MDN1: variants seen among roughly 807,000 people sequenced by gnomAD.
MDN1 encodes midasin AAA ATPase 1.
MDN1 carries 266 observed loss-of-function variants against 669.2 expected under a neutral mutation model. The observed-to-expected ratio is 0.40, with a 90% CI of 0.36 to 0.44. MDN1 has a LOEUF of 0.44. Ranked by LOEUF, MDN1 falls within the 20% of genes least tolerant of loss-of-function variation. The pLI, the probability that MDN1 is intolerant of heterozygous loss-of-function variation, is 1.00. For synonymous variants in MDN1, 2,385 were observed against 2,457.1 expected, an observed-to-expected ratio of 0.97 and a Z score of 0.87; for missense variants, 5,940 against 6,754.0, an observed-to-expected ratio of 0.88 and a Z score of 4.22.
intron 1 of MDN1, chr6:89,814,947 C>T: frequency 2.0e-6 from 1 of 489,426 alleles, no homozygotes; most frequent in South Asian, 1.8e-5. Context: ...CAGCTAAGAG[C>T]ACCCTGGGTG....
intron 101 of MDN1, among the ~76,000 whole-genome samples, chr6:89,644,505 T>C (rs1230008288): frequency 1.3e-5 from 2 of 152,198 alleles, no homozygotes; most frequent in African/African-American, 4.8e-5. Context: ...AATCTTTACC[T>C]TCCTATCAAG....
intron 14 of MDN1, among the ~76,000 whole-genome samples, chr6:89,771,879 G>C (rs1818097527): frequency 6.6e-6 from 1 of 152,034 alleles, no homozygotes; most frequent in African/African-American, 2.4e-5. Context: ...GCTAATTTTT[G>C]TAATTTTTTG....
intron 2 of MDN1, 36 bp downstream of exon 2, chr6:89,803,292 T>A: frequency 6.3e-7 from 1 of 1,580,354 alleles, no homozygotes; most frequent in East Asian, 2.2e-5. Flanking sequence ...TTCTATCACC[T>A]CAAGGAGAAA....
chr6:89,778,680 C>A (rs757892515), intron 11 of MDN1, among the ~76,000 whole-genome samples: 2 of 151,324 alleles, frequency 1.3e-5, no homozygotes, highest in African/African-American at 2.4e-5. Flanking sequence ...GTCAGGAGAT[C>A]GAGATCATCC....
Position 89,676,210 on chromosome 6 carries a change from G to A in MDN1, c.12540-3C>T, listed in dbSNP as rs1226168530. The A allele has an allele frequency of 2.5e-6, 4 of 1,613,264 alleles. No individual in the cohort carries two copies. In the African/African-American group the frequency reaches 4.0e-5, roughly 16 times the overall value. On this transcript the variant is annotated splice_region_variant and splice_polypyrimidine_tract_variant and intron_variant, in intron 76 of 101. Coordinates refer to ENST00000369393, the MANE Select transcript of MDN1 (RefSeq NM_014611.3). ...AAGACGAGATTTCTGTAAGCAGCCT[G>A]GAAAAGATATCAACATTGTTTACTT...
intron 31 of MDN1, 44 bp downstream of exon 31, chr6:89,743,106 C>G: frequency 1.9e-6 from 3 of 1,598,808 alleles, no homozygotes; most frequent in Non-Finnish European, 2.6e-6. Flanking sequence ...AAAAATCACA[C>G]CAACAAAAAT....
chr6:89,725,147 T>A (rs1815133250), intron 38 of MDN1, 52 bp downstream of exon 38: 1 of 1,522,924 alleles, frequency 6.6e-7, no homozygotes, highest in South Asian at 1.1e-5. Flanking sequence ...ATAATAGTAG[T>A]CTTATCCCCT....
chr6:89,765,532 T>TC (rs1422484900), intron 15 of MDN1, among the ~76,000 whole-genome samples: 1 of 152,242 alleles, frequency 6.6e-6, no homozygotes, highest in Non-Finnish European at 1.5e-5. Context: ...CAAGCTGGTC[T>TC]CGAAGTCCTG....
In MDN1 at chr6:89,671,031, G is replaced by C; in HGVS notation, c.13844C>G (p.Ser4615Cys). The change falls in exon 83 of 102, where the codon TCC (serine) becomes TGC (cysteine). Residue 4615 changes from serine (S) to cysteine (C), a missense_variant. This residue lies in a region of MDN1 where 2,280 missense variants were observed against 2,576.3 expected (regional missense o/e 0.88). Coordinates refer to ENST00000369393, the MANE Select transcript of MDN1 (RefSeq NM_014611.3). The part of the protein sequence containing the change: ...SLLVRLVPVL[S>C]SYSDLVLFFL... Reference sequence around the variant, plus strand: ...GAAGAGGACGAGGTCTGAGTAGCTGGAGAGGACCGGCACCAGGCGCACCAG... The same window carrying C: ...GAAGAGGACGAGGTCTGAGTAGCTGCAGAGGACCGGCACCAGGCGCACCAG... 1 of 1,614,128 alleles carries C rather than the reference G, an allele frequency of 6.2e-7. No homozygotes were observed. Among genetic ancestry groups the C allele is most frequent in the Non-Finnish European group, 8.5e-7 (1 of 1,180,012 alleles).
At chr6:89,702,187 A>T in intron 53 of MDN1, 126 bp from the exon 54 acceptor site, 1 of 880,244 alleles carries the variant, frequency 1.1e-6, no homozygotes, top group Non-Finnish European at 1.6e-6. Flanking sequence ...CATAGGCTAT[A>T]ATTGCTAATC....
rs1562225908 is a variant in MDN1, at chr6:89,793,949, A to G, written c.668T>C (p.Leu223Ser). The G allele has an allele frequency of 1.9e-6, 3 of 1,611,718 alleles. No homozygotes were observed. The highest frequency in any genetic ancestry group is 2.2e-5 in the East Asian group (1 of 44,860). Residue 223 changes from leucine to serine, a missense_variant, in exon 5 of 102, where the codon TTA (leucine) becomes TCA (serine). Physicochemically the swap from Leu to Ser is moderately radical, Grantham distance 145. This residue lies in a region of MDN1 where 1,203 missense variants were observed against 1,268.9 expected (regional missense o/e 0.95). Transcript: ENST00000369393. ...CAAGTCCTGCAACTGGGCCTCTTCT[A>G]ATAACCTGAGAGAAAGGAGAGTCTC... is the stretch of plus-strand genomic sequence containing the variant. Reference protein sequence around the residue: ...DELIHFRLRLLEEAQLQDLEK... With the variant: ...DELIHFRLRLSEEAQLQDLEK...
chr6:89,816,196 T>C (rs967796131), intron 1 of MDN1, among the ~76,000 whole-genome samples: 3 of 152,062 alleles, frequency 2.0e-5, no homozygotes, highest in African/African-American at 7.2e-5. Context: ...GGTCAGGAGT[T>C]CGAGACCAGC....
At chr6:89,817,950 A>C (rs962274443) in intron 1 of MDN1, among the ~76,000 whole-genome samples, 17 of 152,292 alleles carry the variant, frequency 1.1e-4, no homozygotes, top group Admixed American at 5.2e-4. Flanking sequence ...ATAACCATAA[A>C]GGTCTCCAGA....
chr6:89,658,631 A>T lies in MDN1; in HGVS notation c.15000T>A (p.Ala5000=), dbSNP rs1461938912. 4.3e-6 allele frequency: 7 copies of T among 1,609,522 alleles called. No individual in the cohort carries two copies. Among genetic ancestry groups the T allele is most frequent in the Non-Finnish European group, 6.0e-6 (7 of 1,176,120 alleles). Residue 5000 remains alanine, a synonymous_variant, in exon 89 of 102, where the codon GCT becomes GCA. Coordinates refer to ENST00000369393, the MANE Select transcript of MDN1 (RefSeq NM_014611.3). The part of the protein sequence containing the change: ...ADEEGGENGP[A]DQGFQPQEEE... Reference sequence around the variant, plus strand: ...ATACCTGGGGCTGGAAACCTTGGTCAGCAGGGCCATTCTCTCCACCTTCTT... The same window carrying T: ...ATACCTGGGGCTGGAAACCTTGGTCTGCAGGGCCATTCTCTCCACCTTCTT...
At chr6:89,644,821 C>A (rs920494512) in intron 101 of MDN1, among the ~76,000 whole-genome samples, 194 bp downstream of exon 101, 1 of 152,190 alleles carries the variant, frequency 6.6e-6, no homozygotes, top group Non-Finnish European at 1.5e-5. Flanking sequence ...GAATAATGAT[C>A]CCTACCTCAC....
At chr6:89,759,334 T>G (rs191184678) in intron 17 of MDN1, among the ~76,000 whole-genome samples, 1 of 152,246 alleles carries the variant, frequency 6.6e-6, no homozygotes, top group Non-Finnish European at 1.5e-5. Context: ...AATCCCAGAG[T>G]GTTTAGTGAT....
intron 73 of MDN1, among the ~76,000 whole-genome samples, chr6:89,682,517 G>C (rs768492121): frequency 5.3e-5 from 8 of 151,792 alleles, no homozygotes; most frequent in Non-Finnish European, 1.2e-4. Flanking sequence ...GACCATCCTG[G>C]CTAACACAGT....
Position 89,648,099 on chromosome 6 carries a change from C to G in MDN1, c.16328G>C (p.Ser5443Thr), listed in dbSNP as rs767904451. The G allele has an allele frequency of 6.8e-6, 11 of 1,614,102 alleles. No individual in the cohort carries two copies. In the South Asian group the frequency reaches 9.9e-5, roughly 14 times the overall value. ...KLLHPFHEQF[S>T]DYSGSQILRL... ...TAGAATCTGGGACCCAGAGTAATCA[C>G]TGAACTGCTCATGAAATGGGTGTAA... is the stretch of plus-strand genomic sequence containing the variant. The change falls in exon 99 of 102, where the codon AGT becomes ACT. Residue 5443 changes from serine (S) to threonine (T), a missense_variant. Ser to Thr is a moderately conservative substitution (Grantham distance 58). This residue lies in a region of MDN1 where 2,280 missense variants were observed against 2,576.3 expected (regional missense o/e 0.88). Coordinates refer to ENST00000369393, the MANE Select transcript of MDN1 (RefSeq NM_014611.3).
intron 12 of MDN1, among the ~76,000 whole-genome samples, chr6:89,775,611 T>C (rs543924304): frequency 6.6e-6 from 1 of 152,254 alleles, no homozygotes; most frequent in South Asian, 2.1e-4. Flanking sequence ...ATATTAACAA[T>C]GTCAGCAATG....
Sources: allele counts gnomAD v4.1 joint callset (sites outside exome capture counted in the v4.1 genomes callset), GRCh38; gene constraint gnomAD v4.1.1; regional missense constraint gnomAD v4.1.1; transcripts MANE v1.5; gene names NCBI Gene and HGNC (gene_info 2026-07-23, HGNC 2026-07-21).